TGFBRAP1: variants seen among roughly 807,000 people sequenced by gnomAD.
The protein encoded by TGFBRAP1 is transforming growth factor-beta receptor-associated protein 1.
In TGFBRAP1, 20 loss-of-function variants were observed where a neutral mutation model predicts 83.2. The ratio of observed to expected loss-of-function variants is 0.24; its 90% CI spans 0.17 to 0.35. The LOEUF is 0.35. Among genes scored for constraint, TGFBRAP1 ranks in the 10% least tolerant of loss-of-function variants. The pLI, the probability that TGFBRAP1 is intolerant of heterozygous loss-of-function variation, is 1.00. For missense variants in TGFBRAP1, 950 were observed against 1,099.4 expected (o/e 0.86, Z 1.92); for synonymous variants, 415 against 459.8 (o/e 0.90, Z 1.25).
chr2:105,257,697 A>G, the TGFBRAP1 span, among the ~76,000 whole-genome samples: 3 of 152,250 alleles, frequency 2.0e-5, no homozygotes, highest in African/African-American at 7.2e-5. Flanking sequence ...CATTTTATAT[A>G]AAATTAGAAT....
At chr2:105,277,283 C>T (rs748281661) in intron 7 of TGFBRAP1, among the ~76,000 whole-genome samples, 16 of 152,120 alleles carry the variant, frequency 1.1e-4, no homozygotes, top group Admixed American at 3.3e-4. Context: ...ATGGTAAATC[C>T]GACTATCATT....
At chr2:105,329,543 C>T (rs1244622761) in intron 1 of TGFBRAP1, 82 bp downstream of exon 1, 1 of 147,524 alleles carries the variant, frequency 6.8e-6, no homozygotes, top group Non-Finnish European at 1.5e-5. Flanking sequence ...GCCTACCCCC[C>T]ACTCCTGCTC....
At chr2:105,270,703 T>C (rs944745127) in intron 10 of TGFBRAP1, among the ~76,000 whole-genome samples, 4 of 152,220 alleles carry the variant, frequency 2.6e-5, no homozygotes, top group African/African-American at 4.8e-5. Flanking sequence ...ACATCCCTTA[T>C]AGCACTAGAC....
chr2:105,284,323 G>A lies in TGFBRAP1; in HGVS notation c.1114C>T (p.Leu372Phe), dbSNP rs765738656. Residue 372 changes from leucine to phenylalanine, a missense_variant, in exon 5 of 12, where the codon CTC (leucine) becomes TTC (phenylalanine). Coordinates refer to ENST00000393359, the MANE Select transcript of TGFBRAP1 (RefSeq NM_004257.6). ...AQLQFLEAKE[L>F]FRSGQLDVRE... is the part of the protein sequence containing the mutation. ...ACCAGCACCTCAAATTACCTGAAGAGCTCTTTAGCTTCCAGGAACTGAAGT... is the reference window on the plus strand; with the variant it reads ...ACCAGCACCTCAAATTACCTGAAGAACTCTTTAGCTTCCAGGAACTGAAGT... The A allele has an allele frequency of 6.2e-7, 1 of 1,613,834 alleles. No individual in the cohort carries two copies. The highest frequency in any genetic ancestry group is 8.5e-7 in the Non-Finnish European group (1 of 1,179,826).
chr2:105,273,586 A>G lies in TGFBRAP1; in HGVS notation c.1770T>C (p.Leu590=), dbSNP rs1677233354. The change falls in exon 9 of 12, where the codon CTT becomes CTC. Residue 590 remains leucine, a synonymous_variant. Coordinates refer to ENST00000393359, the MANE Select transcript of TGFBRAP1 (RefSeq NM_004257.6). ...TCACAAGATGTTCCAGATACTTCAC[A>G]AGGGCTTTAGGGTATTTTTTAAGGC... is the stretch of plus-strand genomic sequence containing the variant. ...INCLKKYPKA[L]VKYLEHLVID... is the part of the protein sequence containing the mutation. 1 of 1,614,188 alleles carries G rather than the reference A, an allele frequency of 6.2e-7. No individual in the cohort carries two copies. The highest frequency in any genetic ancestry group is 1.3e-5 in the African/African-American group (1 of 75,048).
chr2:105,257,417 C>T, the TGFBRAP1 span, among the ~76,000 whole-genome samples: 5 of 152,186 alleles, frequency 3.3e-5, no homozygotes. Context: ...CTAATTTCCC[C>T]TTTCTCCCTT....
At chr2:105,300,983 G>A (rs1048803172) in intron 2 of TGFBRAP1, among the ~76,000 whole-genome samples, 1 of 152,100 alleles carries the variant, frequency 6.6e-6, no homozygotes, top group Non-Finnish European at 1.5e-5. Context: ...CAACACTTTG[G>A]GAGGCCAAGG....
chr2:105,305,842 G>A (rs1678477369), intron 2 of TGFBRAP1, among the ~76,000 whole-genome samples: 1 of 151,858 alleles, frequency 6.6e-6, no homozygotes, highest in Non-Finnish European at 1.5e-5. Flanking sequence ...TTTTAGTAGA[G>A]ATAGGGTTTC....
intron 3 of TGFBRAP1, 87 bp downstream of exon 3, chr2:105,298,424 A>G: frequency 7.1e-7 from 1 of 1,413,796 alleles, no homozygotes. Context: ...TGCTTAGCGC[A>G]AGGCCCAGTT....
chr2:105,275,416 T>A (rs559204833), intron 8 of TGFBRAP1, 144 bp downstream of exon 8: 57 of 1,351,536 alleles, frequency 4.2e-5, no homozygotes, highest in Middle Eastern at 4.1e-4. Context: ...GGGAAGGTAT[T>A]AAAAGGGGAA....
chr2:105,297,843 A>C (rs988167745), intron 3 of TGFBRAP1, among the ~76,000 whole-genome samples: 3 of 152,238 alleles, frequency 2.0e-5, no homozygotes, highest in African/African-American at 7.2e-5. Context: ...TGGCTCAGCA[A>C]AATGTTAACA....
At chr2:105,304,586 C>A (rs1678427908) in intron 2 of TGFBRAP1, among the ~76,000 whole-genome samples, 2 of 152,228 alleles carry the variant, frequency 1.3e-5, no homozygotes, top group South Asian at 4.1e-4. Flanking sequence ...AGTTCAAGAC[C>A]AGCCTGGCCA....
intron 1 of TGFBRAP1, among the ~76,000 whole-genome samples, chr2:105,319,782 T>C (rs1391071468): frequency 6.7e-6 from 1 of 150,084 alleles, no homozygotes; most frequent in African/African-American, 2.4e-5. Flanking sequence ...AAGATTTTAA[T>C]ATATATGTTT....
rs75791136 is a variant in TGFBRAP1, at chr2:105,274,847, T to G, written c.1665+713A>C. Among the ~76,000 whole-genome samples the G allele has an allele frequency of 1.1e-4, 17 of 152,332 alleles. No homozygotes were observed. In the East Asian group the frequency reaches 3.3e-3, roughly 29 times the overall value. ...CTCCATTCAGGACCAACGTCCTGCA[T>G]CAGAAAGCTCATTTTGTCTCTCCAA... is the stretch of plus-strand genomic sequence containing the variant. On this transcript the variant is annotated intron_variant, in intron 8 of 11. Transcript: ENST00000393359.
chr2:105,308,858 C>T (rs1037540095), intron 1 of TGFBRAP1, among the ~76,000 whole-genome samples: 2 of 152,182 alleles, frequency 1.3e-5, no homozygotes, highest in Non-Finnish European at 1.5e-5. Context: ...GCACTTTAGT[C>T]AATGAACACA....
chr2:105,317,189 A>C (rs1678911706), intron 1 of TGFBRAP1, among the ~76,000 whole-genome samples: 1 of 152,132 alleles, frequency 6.6e-6, no homozygotes, highest in Admixed American at 6.5e-5. Flanking sequence ...CTGTAATCCC[A>C]GCACTCTGGG....
intron 2 of TGFBRAP1, among the ~76,000 whole-genome samples, chr2:105,303,525 C>T (rs973928262): frequency 1.3e-5 from 2 of 152,208 alleles, no homozygotes; most frequent in Non-Finnish European, 2.9e-5. Context: ...TAAACTCCCA[C>T]CAGGCATGGA....
intron 2 of TGFBRAP1, among the ~76,000 whole-genome samples, chr2:105,301,085 T>C (rs1278485008): frequency 6.6e-6 from 1 of 151,758 alleles, no homozygotes; most frequent in East Asian, 1.9e-4. Flanking sequence ...TTAGCCAGCC[T>C]TGGTGGCGGG....
In TGFBRAP1 at chr2:105,269,164, A is replaced by G; in HGVS notation, c.2406+108T>C. On this transcript the variant is annotated intron_variant, in intron 11 of 11. Transcript: ENST00000393359. This position sits in a 1 kb window ranked among gnomAD's most constrained non-coding sequence, Gnocchi z 4.1. ...TCAGATATTGATGTGTTGTAGTCAT[A>G]GAGACAGAAAAAAGAAAAACCAACA... The G allele has an allele frequency of 7.4e-7, 1 of 1,343,240 alleles. No homozygotes were observed. Among genetic ancestry groups the G allele is most frequent in the Non-Finnish European group, 9.9e-7 (1 of 1,010,398 alleles). The allele number at this position is 1,343,240 out of a possible 1,614,324, so 83.2% of individuals were successfully genotyped here.
Sources: allele counts gnomAD v4.1 joint callset (sites outside exome capture counted in the v4.1 genomes callset), GRCh38; gene constraint gnomAD v4.1.1; non-coding constraint Gnocchi (gnomAD v3.1); transcripts MANE v1.5; gene names NCBI Gene and HGNC (gene_info 2026-07-23, HGNC 2026-07-21).